The following CLMN variants were observed in gnomAD, a reference collection of about 807,000 sequenced individuals.
The protein encoded by CLMN is calmin.
A neutral mutation model predicts 92.7 loss-of-function variants in CLMN; 57 were observed. The observed-to-expected ratio is 0.61, with a 90% CI of 0.50 to 0.77. The LOEUF (loss-of-function observed/expected upper bound fraction) is 0.77. Among genes scored for constraint, CLMN ranks in the 30% least tolerant of loss-of-function variants. The pLI is 0.00. For synonymous variants in CLMN, 466 were observed against 470.6 expected, an observed-to-expected ratio of 0.99 and a Z score of 0.13; for missense variants, 1,158 against 1,237.5, an observed-to-expected ratio of 0.94 and a Z score of 0.96.
chr14:95,207,651 T>C (rs554361252), intron 8 of CLMN, among the ~76,000 whole-genome samples: 6 of 152,348 alleles, frequency 3.9e-5, no homozygotes, highest in Non-Finnish European at 7.3e-5. Context: ...ACATTCAATA[T>C]AGATGTGTAT....
In CLMN at chr14:95,194,298, T is replaced by C; in HGVS notation, c.2769+238A>G. ...CAGGTGAGGCGTTTTGGGTGCGTTT[T>C]TATAGCAAGGAGGCCTTTGGGCTTT... On this transcript the variant is annotated intron_variant, in intron 11 of 12. Transcript: ENST00000298912. The surrounding 1 kb of genome is among the most constrained non-coding windows in gnomAD (Gnocchi z 4.0). The C allele has an allele frequency of 3.5e-6, 5 of 1,412,876 alleles. No individual in the cohort carries two copies. The highest frequency in any genetic ancestry group is 4.6e-6 in the Non-Finnish European group (5 of 1,088,310). The allele number at this position is 1,412,876 out of a possible 1,614,324, so 87.5% of individuals were successfully genotyped here.
In CLMN at chr14:95,194,224, T is replaced by A. The variant is rs1896636392; in HGVS notation, c.2770-305A>T. The stretch of plus-strand genomic sequence containing the variant: ...CCACTGTCCATCGGACCTTGACTCA[T>A]GTTGCACCTCTGTCTCTGAACGTGA... On this transcript the variant is annotated intron_variant, in intron 11 of 12. Coordinates refer to ENST00000298912, the MANE Select transcript of CLMN (RefSeq NM_024734.4). The surrounding 1 kb of genome is among the most constrained non-coding windows in gnomAD (Gnocchi z 4.0). The A allele has an allele frequency of 7.2e-7, 1 of 1,392,182 alleles. No homozygotes were observed. The allele number at this position is 1,392,182 out of a possible 1,614,324, so 86.2% of individuals were successfully genotyped here.
chr14:95,221,890 AG>A, intron 3 of CLMN, 116 bp from the exon 4 acceptor site: 2 of 986,120 alleles, frequency 2.0e-6, no homozygotes. Flanking sequence ...AGAAAAAGTT[AG>A]GGGCTCACAG....
chr14:95,226,722 C>G (rs1233242927), intron 2 of CLMN, among the ~76,000 whole-genome samples: 1 of 152,194 alleles, frequency 6.6e-6, no homozygotes, highest in African/African-American at 2.4e-5. Context: ...ACTACAGGCA[C>G]GTGCCATCAC....
At chr14:95,198,042 C>CTTTTT (rs1019598103) in intron 9 of CLMN, among the ~76,000 whole-genome samples, 265 of 69,894 alleles carry the variant, frequency 3.8e-3, no homozygotes, top group Non-Finnish European at 4.7e-3. Flanking sequence ...TTTTTTCTTT[C>CTTTTT]TTTTTTTTTT....
At chr14:95,241,828 C>A (rs1898252318) in intron 1 of CLMN, among the ~76,000 whole-genome samples, 1 of 152,136 alleles carries the variant, frequency 6.6e-6, no homozygotes, top group Non-Finnish European at 1.5e-5. Flanking sequence ...CTCATGCACG[C>A]CTGTGTGTGT....
chr14:95,295,587 T>G (rs1037632205), intron 1 of CLMN, among the ~76,000 whole-genome samples: 1 of 152,148 alleles, frequency 6.6e-6, no homozygotes, highest in Non-Finnish European at 1.5e-5. Context: ...TAGCCCTCTT[T>G]GAATGCACAG....
chr14:95,224,265 TTTTATTTATTTA>T (rs202079432), intron 2 of CLMN, among the ~76,000 whole-genome samples: 31 of 151,666 alleles, frequency 2.0e-4, no homozygotes, highest in African/African-American at 6.8e-4. Flanking sequence ...AAGCCCTTCA[TTTTATTTATTTA>T]TTTATTTATT....
At chr14:95,250,259 T>C (rs1430459475) in intron 1 of CLMN, among the ~76,000 whole-genome samples, 2 of 152,226 alleles carry the variant, frequency 1.3e-5, no homozygotes, top group Non-Finnish European at 1.5e-5. Flanking sequence ...AACGATAAAA[T>C]AGACATCCTT....
At chr14:95,313,878 C>G (rs1901648793) in intron 1 of CLMN, among the ~76,000 whole-genome samples, 1 of 152,162 alleles carries the variant, frequency 6.6e-6, no homozygotes, top group African/African-American at 2.4e-5. Flanking sequence ...TCAGGGAGGG[C>G]AGTTTATGAA....
intron 1 of CLMN, among the ~76,000 whole-genome samples, chr14:95,282,267 A>G (rs555114422): frequency 6.6e-6 from 1 of 152,124 alleles, no homozygotes; most frequent in Non-Finnish European, 1.5e-5. Flanking sequence ...CTTCTAGGGA[A>G]CCATGGAGAG....
At chr14:95,313,694 T>C (rs1010059123) in intron 1 of CLMN, among the ~76,000 whole-genome samples, 9 of 151,762 alleles carry the variant, frequency 5.9e-5, no homozygotes, top group African/African-American at 1.2e-4. Flanking sequence ...AAGGTTTCTA[T>C]GGGAACAGGG....
chr14:95,277,078 T>A (rs1436619250), intron 1 of CLMN, among the ~76,000 whole-genome samples: 1 of 152,118 alleles, frequency 6.6e-6, no homozygotes, highest in African/African-American at 2.4e-5. Context: ...TTCTTACAAG[T>A]CAGGCTTCAG....
chr14:95,285,724 A>C (rs1357734627), intron 1 of CLMN, among the ~76,000 whole-genome samples: 2 of 152,216 alleles, frequency 1.3e-5, no homozygotes, highest in African/African-American at 4.8e-5. Flanking sequence ...ATATGTGGCT[A>C]AGATATATGC....
At chr14:95,197,998 C>T (rs1424664420) in intron 9 of CLMN, among the ~76,000 whole-genome samples, 1 of 150,944 alleles carries the variant, frequency 6.6e-6, no homozygotes, top group Non-Finnish European at 1.5e-5. Flanking sequence ...GAAAAACTTG[C>T]CATTTTCTAG....
intron 5 of CLMN, among the ~76,000 whole-genome samples, chr14:95,214,627 T>C (rs983278030): frequency 6.6e-6 from 1 of 152,140 alleles, no homozygotes; most frequent in African/African-American, 2.4e-5. Context: ...TCTGGGATTA[T>C]ATGCGTGAGC....
rs190346213 is a variant in CLMN, at chr14:95,230,892, C to T, written c.83-759G>A. 1.4e-4 allele frequency among the ~76,000 whole-genome samples: 22 copies of T among 152,304 alleles called. No individual in the cohort carries two copies. The South Asian group carries it at 3.1e-3, about 22-fold the overall frequency. On this transcript the variant is annotated intron_variant, in intron 1 of 12. Coordinates refer to ENST00000298912, the MANE Select transcript of CLMN (RefSeq NM_024734.4). The stretch of plus-strand genomic sequence containing the variant: ...CGCTTGCTGCTGAGCCAATGTGAAC[C>T]GAAGGACATAAACCAGGAATGGACC...
At chr14:95,211,004 A>G in intron 6 of CLMN, 125 bp from the exon 7 acceptor site, 1 of 888,778 alleles carries the variant, frequency 1.1e-6, no homozygotes, top group Admixed American at 3.4e-5. Flanking sequence ...CGCCAGGTGA[A>G]GACGCCTTCA....
chr14:95,240,527 C>T (rs565823891), intron 1 of CLMN, among the ~76,000 whole-genome samples: 1 of 152,224 alleles, frequency 6.6e-6, no homozygotes, highest in East Asian at 1.9e-4. Context: ...CCATGTCTCC[C>T]CATGGACAAG....
Sources: gnomAD v4.1 joint callset for allele counts (sites outside exome capture counted in the v4.1 genomes callset) on GRCh38, gnomAD v4.1.1 for gene constraint, Gnocchi (gnomAD v3.1) non-coding constraint, MANE v1.5 for transcripts, NCBI Gene and HGNC (gene_info 2026-07-23, HGNC 2026-07-21) for gene names.